KCNG1: variants seen among roughly 807,000 people sequenced by gnomAD.
KCNG1 encodes the protein potassium voltage-gated channel modifier subfamily G member 1.
Under a neutral mutation model 32.4 loss-of-function variants are expected in KCNG1, and 17 were observed. The observed-to-expected ratio is 0.52, with a 90% CI of 0.36 to 0.79. KCNG1 has a LOEUF of 0.79. Ranked by LOEUF, KCNG1 falls within the 30% of genes least tolerant of loss-of-function variation. The probability of loss-of-function intolerance (pLI) is 0.00; values close to 1 mark genes in which losing one functional copy is unlikely to be tolerated. For synonymous variants in KCNG1, 358 were observed against 339.9 expected (o/e 1.05, Z -0.59); for missense variants, 441 against 735.2 (o/e 0.60, Z 4.63).
intron 1 of KCNG1, among the ~76,000 whole-genome samples, chr20:51,016,547 G>A (rs1033929127): frequency 6.6e-6 from 1 of 152,172 alleles, no homozygotes; most frequent in Admixed American, 6.5e-5. Flanking sequence ...GGGCGCACAG[G>A]CTTTAAAATC....
Position 51,004,617 on chromosome 20 carries a change from C to T in KCNG1, c.964G>A (p.Ala322Thr), listed in dbSNP as rs1433589748. ...YYITLLVDGA[A>T]AGRRKPGAGN... ...GCGCCGGGCTTGCGACGGCCTGCGG[C>T]GGCGCCGTCCACCAGCAGCGTGATG... Residue 322 changes from alanine (A) to threonine (T), a missense_variant, in exon 3 of 3, where the codon GCC becomes ACC. Ala to Thr is a moderately conservative substitution (Grantham distance 58). Around this residue, in one of 6 missense-constraint regions of KCNG1, gnomAD observed 169 missense variants for 297.7 expected, o/e 0.57. Transcript: ENST00000371571. This position sits in a 1 kb window ranked among gnomAD's most constrained non-coding sequence, Gnocchi z 4.3. The T allele has an allele frequency of 6.3e-7, 1 of 1,586,928 alleles. No individual in the cohort carries two copies. Among genetic ancestry groups the T allele is most frequent in the Non-Finnish European group, 8.6e-7 (1 of 1,166,276 alleles).
At position 51,009,931 on chromosome 20, in the gene KCNG1, C is replaced by T. The variant is rs143944169; in HGVS notation, c.408G>A (p.Leu136=). The part of the protein sequence containing the change: ...TILTFLRAGK[L]RLLREMCALS... ...GCGCGCACATCTCGCGCAGCAGCCG[C>T]AGCTTGCCCGCGCGCAGGAAGGTCA... is the stretch of plus-strand genomic sequence containing the variant. Residue 136 remains leucine (L), a synonymous_variant, in exon 2 of 3, where the codon CTG becomes CTA. Coordinates refer to ENST00000371571, the MANE Select transcript of KCNG1 (RefSeq NM_002237.4). 2.9e-5 allele frequency: 47 copies of T among 1,613,728 alleles called. No homozygotes were observed. Among genetic ancestry groups the T allele is most frequent in the African/African-American group, 4.0e-5 (3 of 74,954 alleles).
At chr20:51,022,167 G>T (rs1049526061) in intron 1 of KCNG1, among the ~76,000 whole-genome samples, 9 of 152,206 alleles carry the variant, frequency 5.9e-5, no homozygotes, top group Non-Finnish European at 1.2e-4. Context: ...ACTGTTGAGC[G>T]CTTGGTATGA....
At chr20:51,022,025 C>T (rs543273492) in intron 1 of KCNG1, among the ~76,000 whole-genome samples, 17 of 152,216 alleles carry the variant, frequency 1.1e-4, no homozygotes, top group Admixed American at 9.8e-4. Context: ...CGGCAGTCTG[C>T]GGCCTCCCAA....
intron 1 of KCNG1, among the ~76,000 whole-genome samples, chr20:51,019,266 C>T (rs1568806315): frequency 6.6e-6 from 1 of 152,224 alleles, no homozygotes; most frequent in Non-Finnish European, 1.5e-5. Flanking sequence ...AATCCTAGCA[C>T]TTTGGGAGGC....
At chr20:51,010,520 G>T (rs1988041660) in intron 1 of KCNG1, among the ~76,000 whole-genome samples, 156 bp from the exon 2 acceptor site, 1 of 152,222 alleles carries the variant, frequency 6.6e-6, no homozygotes, top group African/African-American at 2.4e-5. Context: ...GGTATTAGGA[G>T]GTGGGGCCTT....
At chr20:51,019,951 C>T (rs1988413833) in intron 1 of KCNG1, among the ~76,000 whole-genome samples, 1 of 152,222 alleles carries the variant, frequency 6.6e-6, no homozygotes, top group Non-Finnish European at 1.5e-5. Flanking sequence ...GAGAATATAT[C>T]TTTCTTAGCC....
intron 1 of KCNG1, chr20:51,012,413 C>A (rs562060451): frequency 2.0e-5 from 3 of 152,422 alleles, no homozygotes; most frequent in South Asian, 4.1e-4. Flanking sequence ...AGGCAGCCTG[C>A]TCCCTGGGGG....
In KCNG1 at chr20:51,005,926, C is replaced by A. The variant is rs915001037; in HGVS notation, c.775-1120G>T. 2 of 152,218 alleles carry A rather than the reference C, an allele frequency of 1.3e-5. No individual in the cohort carries two copies. Among genetic ancestry groups the A allele is most frequent in the Non-Finnish European group, 2.9e-5 (2 of 68,060 alleles). The allele number at this position is 152,218 out of a possible 1,614,324, so 9.4% of individuals were successfully genotyped here. ...CTAATACCTGGTGGGGCTTTAAGGT[C>A]TTAGACCTCTGGGATGGGAAGCCCC... is the stretch of plus-strand genomic sequence containing the variant. On this transcript the variant is annotated intron_variant, in intron 2 of 2. Transcript: ENST00000371571. This position sits in a 1 kb window ranked among gnomAD's most constrained non-coding sequence, Gnocchi z 4.0.
Position 51,004,508 on chromosome 20 carries a change from C to T in KCNG1, c.1073G>A (p.Arg358His). The T allele has an allele frequency of 1.3e-6, 2 of 1,590,582 alleles. No individual in the cohort carries two copies. The highest frequency in any genetic ancestry group is 1.7e-6 in the Non-Finnish European group (2 of 1,169,520). ...LRILYVMRLARHSLGLQTLGL... is the reference protein window; with the variant it reads ...LRILYVMRLAHHSLGLQTLGL... ...CAGCGTCTGCAGCCCCAGGGAGTGG[C>T]GCGCCAGGCGCATCACGTACAGGAT... Residue 358 changes from arginine (R) to histidine (H), a missense_variant, in exon 3 of 3, where the codon CGC becomes CAC. Physicochemically the swap from Arg to His is conservative, Grantham distance 29. Transcript: ENST00000371571. This position sits in a 1 kb window ranked among gnomAD's most constrained non-coding sequence, Gnocchi z 4.3.
At chr20:51,011,027 T>G (rs1988075095) in intron 1 of KCNG1, among the ~76,000 whole-genome samples, 1 of 152,118 alleles carries the variant, frequency 6.6e-6, no homozygotes. Context: ...AGAGTGCTGC[T>G]GGCGCCCTGC....
chr20:51,017,469 A>G (rs1408172272), intron 1 of KCNG1, among the ~76,000 whole-genome samples: 1 of 152,272 alleles, frequency 6.6e-6, no homozygotes, highest in East Asian at 1.9e-4. Flanking sequence ...ACAAAGAAGA[A>G]AAATGAGTAA....
chr20:51,018,323 G>A (rs1171320318), intron 1 of KCNG1, among the ~76,000 whole-genome samples: 8 of 152,166 alleles, frequency 5.3e-5, no homozygotes. Context: ...CTGACCTCAC[G>A]GGGCTATTAT....
intron 1 of KCNG1, among the ~76,000 whole-genome samples, chr20:51,018,450 C>A (rs1988356735): frequency 6.6e-6 from 1 of 152,180 alleles, no homozygotes; most frequent in African/African-American, 2.4e-5. Flanking sequence ...CCTGGGCTGA[C>A]CCCAACTGCT....
Position 51,004,284 on chromosome 20 carries a change from TG to T in KCNG1, c.1296del (p.Arg433GlyfsTer7). 1 of 1,613,274 alleles carries T rather than the reference TG, an allele frequency of 6.2e-7. No individual in the cohort carries two copies. The highest frequency in any genetic ancestry group is 1.1e-5 in the South Asian group (1 of 91,074). On this transcript the variant is annotated frameshift_variant, in exon 3 of 3. Coordinates refer to ENST00000371571, the MANE Select transcript of KCNG1 (RefSeq NM_002237.4). LOFTEE classifies it high-confidence loss of function. This position sits in a 1 kb window ranked among gnomAD's most constrained non-coding sequence, Gnocchi z 4.3. ...MTTVGYGDMV[P>X]RSTPGQVVAL... ...GCCACTACCTGGCCCGGGGTGCTCC[TG>T]GGGACCATGTCGCCATAGCCCACCG...
Position 51,003,923 on chromosome 20 carries a change from G to A in KCNG1, c.*116C>T. On this transcript the variant is annotated 3_prime_UTR_variant, in exon 3 of 3. Transcript: ENST00000371571. ...GGTGTCCTTCCCCGGGTGCGTGGGA[G>A]TCGGTGCTGCGCCAGGACTGCACTC... is the stretch of plus-strand genomic sequence containing the variant. 1.7e-6 allele frequency: 2 copies of A among 1,175,360 alleles called. No homozygotes were observed. The highest frequency in any genetic ancestry group is 4.5e-5 in the Admixed American group (2 of 44,742). 72.8% of individuals were successfully genotyped at this position (1,175,360 alleles called of 1,614,324 possible).
In KCNG1 at chr20:51,012,650, G is replaced by T. The variant is rs1157552206; in HGVS notation, c.-26-2286C>A. On this transcript the variant is annotated intron_variant, in intron 1 of 2. Transcript: ENST00000371571. ...GATTGCTTATTCATTACCAGCTCAT[G>T]GGCTGAATTTGGTTCACAAATATTT... 3.3e-5 allele frequency among the ~76,000 whole-genome samples: 5 copies of T among 152,310 alleles called. No homozygotes were observed. The East Asian group carries it at 9.6e-4, about 29-fold the overall frequency.
At chr20:51,010,986 C>G (rs531649514) in intron 1 of KCNG1, among the ~76,000 whole-genome samples, 8 of 151,954 alleles carry the variant, frequency 5.3e-5, no homozygotes, top group African/African-American at 1.9e-4. Flanking sequence ...TGGGAGCACT[C>G]AGGGAGGCAT....
chr20:51,012,986 A>C (rs1480478395), intron 1 of KCNG1, among the ~76,000 whole-genome samples: 1 of 152,198 alleles, frequency 6.6e-6, no homozygotes, highest in Non-Finnish European at 1.5e-5. Flanking sequence ...AGTTAGTAGG[A>C]GTCAAATACT....
Sources: gnomAD v4.1 joint callset for allele counts (sites outside exome capture counted in the v4.1 genomes callset) on GRCh38, gnomAD v4.1.1 for gene constraint, gnomAD v4.1.1 regional missense constraint, Gnocchi (gnomAD v3.1) non-coding constraint, MANE v1.5 for transcripts, NCBI Gene and HGNC (gene_info 2026-07-23, HGNC 2026-07-21) for gene names.